Variants in IGF1R observed in about 807,000 individuals in gnomAD.
IGF1R encodes the protein insulin like growth factor 1 receptor, also known as insulin-like growth factor 1 receptor.
In IGF1R, 44 loss-of-function variants were observed where a neutral mutation model predicts 144.6. The ratio of observed to expected loss-of-function variants is 0.30; its 90% CI spans 0.24 to 0.39. The LOEUF is 0.39. Among genes scored for constraint, IGF1R ranks in the 10% least tolerant of loss-of-function variants. The probability of loss-of-function intolerance (pLI) is 1.00; values close to 1 mark genes in which losing one functional copy is unlikely to be tolerated. For missense variants in IGF1R, 1,355 were observed against 1,833.7 expected (o/e 0.74, Z 4.77); for synonymous variants, 795 against 722.8 (o/e 1.10, Z -1.60).
intron 2 of IGF1R, among the ~76,000 whole-genome samples, chr15:98,772,970 A>G (rs2055625743): frequency 6.6e-6 from 1 of 152,210 alleles, no homozygotes; most frequent in Non-Finnish European, 1.5e-5. Flanking sequence ...AGTTATAAAT[A>G]CATGGATTTA....
At chr15:98,913,398 T>C (rs1239969725) in intron 8 of IGF1R, 116 bp downstream of exon 8, 3 of 829,064 alleles carry the variant, frequency 3.6e-6, no homozygotes, top group Non-Finnish European at 6.4e-6. Flanking sequence ...GTCTTTCTTG[T>C]CAATAGGTAA....
intron 2 of IGF1R, among the ~76,000 whole-genome samples, chr15:98,821,280 G>GC (rs1213042017): frequency 8.6e-4 from 126 of 146,576 alleles, no homozygotes; most frequent in African/African-American, 3.1e-3. Flanking sequence ...TTTTAAACAC[G>GC]CCTCCCCCCC....
intron 2 of IGF1R, among the ~76,000 whole-genome samples, chr15:98,857,261 C>T (rs1414209162): frequency 1.3e-5 from 2 of 152,200 alleles, no homozygotes; most frequent in East Asian, 1.9e-4. Context: ...CCCTTTCGCC[C>T]AAGCTGGAGT....
chr15:98,681,948 T>A (rs2053200235), intron 1 of IGF1R, among the ~76,000 whole-genome samples: 1 of 152,116 alleles, frequency 6.6e-6, no homozygotes. Context: ...ATTTGGAATG[T>A]GGATGGGGCC....
chr15:98,952,303 A>AACACACAC (rs143223923), intron 20 of IGF1R, among the ~76,000 whole-genome samples: 18,831 of 146,380 alleles, frequency 0.13, 1,547 homozygotes, highest in East Asian at 0.33. Flanking sequence ...GTACCCCACC[A>AACACACAC]ACACACACAC....
intron 2 of IGF1R, among the ~76,000 whole-genome samples, chr15:98,815,073 A>G (rs1039131235): frequency 4.6e-5 from 7 of 152,218 alleles, no homozygotes; most frequent in African/African-American, 1.7e-4. Flanking sequence ...TTTTAGCTCT[A>G]TTCTGATACT....
At chr15:98,948,860 G>T (rs1007636051) in intron 20 of IGF1R, 152 bp downstream of exon 20, 6 of 914,268 alleles carry the variant, frequency 6.6e-6, no homozygotes, top group South Asian at 4.0e-5. Flanking sequence ...CTTGTGGAAG[G>T]AGCTGAGTGG....
rs952535697 is a variant in IGF1R, at chr15:98,963,197, T to C, written c.*5755T>C. 4.5e-6 allele frequency: 1 copy of C among 223,030 alleles called. No homozygotes were observed. The highest frequency in any genetic ancestry group is 2.4e-5 in the African/African-American group (1 of 41,286). The allele number at this position is 223,030 out of a possible 1,614,324, so 13.8% of individuals were successfully genotyped here. A position where few individuals can be genotyped will look rare whatever the true frequency, so the allele number is the denominator to read the frequency against. ...CTTTTTTTTTCTCTGTGTGTGCAAA[T>C]GTGTGTTTGTGATCCATTTTTTTTT... is the stretch of plus-strand genomic sequence containing the variant. On this transcript the variant is annotated 3_prime_UTR_variant, in exon 21 of 21. Transcript: ENST00000650285.
In IGF1R at chr15:98,648,655, C is replaced by A. The variant is rs911121757; in HGVS notation, c.-927C>A. ...CCCGAGGAGGAGCGAGCGCACCAGG[C>A]GAACTCGAGAGAGGCGGGAGAGCGA... On this transcript the variant is annotated 5_prime_UTR_variant, in exon 1 of 21. Coordinates refer to ENST00000650285, the MANE Select transcript of IGF1R (RefSeq NM_000875.5). 6.8e-6 allele frequency among the ~76,000 whole-genome samples: 1 copy of A among 147,142 alleles called. No homozygotes were observed. Among genetic ancestry groups the A allele is most frequent in the African/African-American group, 2.4e-5 (1 of 40,830 alleles).
chr15:98,886,358 C>G (rs906292452), intron 2 of IGF1R, among the ~76,000 whole-genome samples: 2 of 152,282 alleles, frequency 1.3e-5, no homozygotes, highest in South Asian at 2.1e-4. Context: ...TGATTGCAAA[C>G]CTGAACCAAT....
intron 2 of IGF1R, among the ~76,000 whole-genome samples, chr15:98,818,258 A>C (rs1161354205): frequency 1.3e-5 from 2 of 152,088 alleles, no homozygotes; most frequent in Non-Finnish European, 2.9e-5. Context: ...CATAGCGTCG[A>C]GTTATAAGAT....
chr15:98,796,926 T>C (rs2056256634), intron 2 of IGF1R, among the ~76,000 whole-genome samples: 1 of 152,190 alleles, frequency 6.6e-6, no homozygotes, highest in Admixed American at 6.5e-5. Context: ...TGTTGGCTTG[T>C]GGAGAGTGCA....
rs2151652266 is a variant in IGF1R, at chr15:98,896,782, C to T, written c.979C>T (p.Pro327Ser). The T allele has an allele frequency of 1.2e-6, 2 of 1,613,588 alleles. No individual in the cohort carries two copies. The highest frequency in any genetic ancestry group is 4.5e-5 in the East Asian group (2 of 44,848). ...QSMYCIPCEG[P>S]CPKVCEEEKK... ...CATGTACTGCATCCCTTGTGAAGGTCCTTGCCCGAAGGTCTGTGAGGAAGA... is the reference window on the plus strand; with the variant it reads ...CATGTACTGCATCCCTTGTGAAGGTTCTTGCCCGAAGGTCTGTGAGGAAGA... Residue 327 changes from proline (P) to serine (S), a missense_variant, in exon 4 of 21, where the codon CCT becomes TCT. Pro to Ser is a moderately conservative substitution (Grantham distance 74). Coordinates refer to ENST00000650285, the MANE Select transcript of IGF1R (RefSeq NM_000875.5).
At chr15:98,864,730 G>A (rs548515973) in intron 2 of IGF1R, among the ~76,000 whole-genome samples, 2 of 152,282 alleles carry the variant, frequency 1.3e-5, no homozygotes, top group African/African-American at 4.8e-5. Flanking sequence ...AAAATTGTCT[G>A]TTGTATTCTT....
chr15:98,695,424 G>T (rs548387772), intron 1 of IGF1R, among the ~76,000 whole-genome samples: 1 of 152,260 alleles, frequency 6.6e-6, no homozygotes, highest in Admixed American at 6.5e-5. Context: ...GCACCTGGCT[G>T]TAGCATCCTT....
In IGF1R at chr15:98,863,040, T is replaced by C. The variant is rs75261150; in HGVS notation, c.641-28285T>C. On this transcript the variant is annotated intron_variant, in intron 2 of 20. Coordinates refer to ENST00000650285, the MANE Select transcript of IGF1R (RefSeq NM_000875.5). ...TGGTTCCAGATCCAAGAGACGATCCTACCTGGCATTTATTGTGTTCAGTTT... is the reference window on the plus strand; with the variant it reads ...TGGTTCCAGATCCAAGAGACGATCCCACCTGGCATTTATTGTGTTCAGTTT... Among the ~76,000 whole-genome samples the C allele has an allele frequency of 9.3e-4, 142 of 152,366 alleles. No individual in the cohort carries two copies. In the East Asian group the frequency reaches 0.021, roughly 23 times the overall value.
At chr15:98,695,828 C>T (rs1426001806) in intron 1 of IGF1R, among the ~76,000 whole-genome samples, 1 of 152,186 alleles carries the variant, frequency 6.6e-6, no homozygotes, top group Non-Finnish European at 1.5e-5. Context: ...GTCCCCCTCC[C>T]TGGAGACCTT....
In IGF1R at chr15:98,707,679, G is replaced by A. The variant is rs780055504; in HGVS notation, c.212G>A (p.Arg71His). 2.2e-5 allele frequency: 35 copies of A among 1,614,038 alleles called. No individual in the cohort carries two copies. The highest frequency in any genetic ancestry group is 2.7e-5 in the Non-Finnish European group (32 of 1,180,042). ...ILLISKAEDY[R>H]SYRFPKLTVI... ...CTCATCTCCAAGGCCGAGGACTACC[G>A]CAGCTACCGCTTCCCCAAGCTCACG... Residue 71 changes from arginine to histidine, a missense_variant, in exon 2 of 21, where the codon CGC becomes CAC. By Grantham distance (29) the Arg-to-His change is conservative. This residue lies in a region of IGF1R where 75 missense variants were observed against 160.0 expected (regional missense o/e 0.47). Transcript: ENST00000650285. This position sits in a 1 kb window ranked among gnomAD's most constrained non-coding sequence, Gnocchi z 6.7.
intron 2 of IGF1R, among the ~76,000 whole-genome samples, chr15:98,729,176 C>T (rs968936440): frequency 3.3e-5 from 5 of 152,210 alleles, no homozygotes; most frequent in Non-Finnish European, 5.9e-5. Flanking sequence ...ATTCTCACTA[C>T]AACAGCTGTT....
Sources: allele counts gnomAD v4.1 joint callset (sites outside exome capture counted in the v4.1 genomes callset), GRCh38; gene constraint gnomAD v4.1.1; regional missense constraint gnomAD v4.1.1; non-coding constraint Gnocchi (gnomAD v3.1); transcripts MANE v1.5; gene names NCBI Gene and HGNC (gene_info 2026-07-23, HGNC 2026-07-21).